The following TCHP variants were observed in gnomAD, a reference collection of about 807,000 sequenced individuals.
The protein encoded by TCHP is trichoplein keratin filament binding.
A neutral mutation model predicts 88.7 loss-of-function variants in TCHP; 81 were observed. The ratio of observed to expected loss-of-function variants is 0.91; its 90% CI spans 0.76 to 1.10. The LOEUF (loss-of-function observed/expected upper bound fraction) is 1.10, where lower values mean the gene tolerates loss of function less well. Ranked by LOEUF, TCHP falls within the 50% of genes least tolerant of loss-of-function variation. The pLI is 0.00. For synonymous variants in TCHP, 232 were observed against 232.5 expected, an observed-to-expected ratio of 1.00 and a Z score of 0.02; for missense variants, 641 against 632.1, an observed-to-expected ratio of 1.01 and a Z score of -0.15.
rs1276119242 is a variant in TCHP at position 109,903,265 on chromosome 12, T to A, written c.188+51T>A. ...GATGGAAGTGGGGACCACTTGCTGG[T>A]CAGGGGATGAGGCCTTAAGGATTTA... On this transcript the variant is annotated intron_variant, in intron 2 of 12. Transcript: ENST00000405876. This position sits in a 1 kb window ranked among gnomAD's most constrained non-coding sequence, Gnocchi z 4.6. 7.1e-6 allele frequency: 11 copies of A among 1,552,382 alleles called. No homozygotes were observed. The highest frequency in any genetic ancestry group is 9.7e-6 in the Non-Finnish European group (11 of 1,133,972).
chr12:109,883,596 G>A, the TCHP span, among the ~76,000 whole-genome samples: 3 of 151,386 alleles, frequency 2.0e-5, no homozygotes, highest in Admixed American at 6.6e-5. Context: ...TCACTGCCCC[G>A]CCCCGCACCC....
chr12:109,895,648 T>C (rs1869540790), upstream of TCHP, among the ~76,000 whole-genome samples: 1 of 152,142 alleles, frequency 6.6e-6, no homozygotes, highest in African/African-American at 2.4e-5. Context: ...AGCAAGAAGC[T>C]GGAGTGGTTG....
chr12:109,913,404 T>C (rs1214980485), intron 10 of TCHP, among the ~76,000 whole-genome samples: 4 of 152,236 alleles, frequency 2.6e-5, no homozygotes, highest in Non-Finnish European at 4.4e-5. Flanking sequence ...TGTGACATGC[T>C]GTTACATCTT....
Position 109,905,011 on chromosome 12 carries a change from C to A in TCHP, c.456+218C>A. On this transcript the variant is annotated intron_variant, in intron 4 of 12. Coordinates refer to ENST00000405876, the MANE Select transcript of TCHP (RefSeq NM_001143852.2). This position sits in a 1 kb window ranked among gnomAD's most constrained non-coding sequence, Gnocchi z 4.0. ...GATTGAACCTCCGCTGCCTGGTCTG[C>A]CAGGTGCGGGCATGGAGATTAGACA... The A allele has an allele frequency of 1.8e-6, 1 of 555,676 alleles. No individual in the cohort carries two copies. Among genetic ancestry groups the A allele is most frequent in the African/African-American group, 1.9e-5 (1 of 52,836 alleles). 34.4% of individuals were successfully genotyped at this position (555,676 alleles called of 1,614,324 possible).
At chr12:109,896,983 A>C (rs144241873), upstream of TCHP, among the ~76,000 whole-genome samples, 1 of 152,164 alleles carries the variant, frequency 6.6e-6, no homozygotes, top group Non-Finnish European at 1.5e-5. Flanking sequence ...CATACAAGGC[A>C]TGGCATGGGG....
chr12:109,915,136 C>A (rs1027074611), intron 11 of TCHP: 2 of 553,984 alleles, frequency 3.6e-6, no homozygotes, highest in Admixed American at 6.3e-5. Flanking sequence ...CAGCTTTCCA[C>A]GAGGTACACG....
chr12:109,898,755 G>C (rs745988193), upstream of TCHP, among the ~76,000 whole-genome samples: 1 of 152,148 alleles, frequency 6.6e-6, no homozygotes, highest in Non-Finnish European at 1.5e-5. Context: ...AGCCTCCCAA[G>C]TTGCTAGGAC....
chr12:109,909,587 A>G (rs1452989878), intron 8 of TCHP, among the ~76,000 whole-genome samples: 2 of 152,230 alleles, frequency 1.3e-5, no homozygotes, highest in East Asian at 3.8e-4. Flanking sequence ...TGAGAGGCCA[A>G]GGCAGGCGGA....
rs547946636 is a variant in TCHP, at chr12:109,913,629, G to A, written c.1134+557G>A. On this transcript the variant is annotated intron_variant, in intron 10 of 12. Coordinates refer to ENST00000405876, the MANE Select transcript of TCHP (RefSeq NM_001143852.2). ...GAGGACATAACTGCTTTCCTGGTCA[G>A]TGTGTACACTGTGCGTGGAAGATAT... Among the ~76,000 whole-genome samples the A allele has an allele frequency of 1.1e-4, 17 of 152,334 alleles. 1 individual carries two copies. The East Asian group carries it at 1.9e-3, about 17-fold the overall frequency.
Position 109,912,160 on chromosome 12 carries a change from GACTAA to G in TCHP, c.1053-826_1053-822del, listed in dbSNP as rs551296285. ...TATAAAACTGAGTTTGGGTCCTAAA[GACTAA>G]ACTAGTAGATTGAAATCATCAAATA... On this transcript the variant is annotated intron_variant, in intron 9 of 12. Transcript: ENST00000405876. 1.7e-3 allele frequency among the ~76,000 whole-genome samples: 262 copies of G among 152,310 alleles called. 4 individuals are homozygous for G. Among genetic ancestry groups the G allele is most frequent in the Non-Finnish European group, 2.5e-3 (173 of 68,036 alleles).
chr12:109,911,006 C>T (rs1870450198), intron 8 of TCHP, 57 bp from the exon 9 acceptor site: 1 of 1,448,320 alleles, frequency 6.9e-7, no homozygotes, highest in Non-Finnish European at 9.1e-7. Flanking sequence ...TCTGTAGGCT[C>T]TCATTGCAGA....
At chr12:109,882,691 G>C in the TCHP span, among the ~76,000 whole-genome samples, 2 of 120,200 alleles carry the variant, frequency 1.7e-5, no homozygotes, top group Middle Eastern at 7.6e-3. Context: ...GTCTCACTCT[G>C]TCGCCCAGGC....
the TCHP span, among the ~76,000 whole-genome samples, chr12:109,889,963 C>T: frequency 6.6e-6 from 1 of 152,200 alleles, no homozygotes; most frequent in Non-Finnish European, 1.5e-5. Context: ...AATGCGAAGG[C>T]GCACCCGCCA....
upstream of TCHP, among the ~76,000 whole-genome samples, chr12:109,897,234 C>T (rs538988813): frequency 1.8e-4 from 28 of 152,310 alleles, no homozygotes; most frequent in African/African-American, 5.3e-4. Flanking sequence ...TGCTTAATAG[C>T]GACAGCCAGC....
At chr12:109,907,392 G>C (rs546810370) in intron 5 of TCHP, 134 bp from the exon 6 acceptor site, 6 of 866,264 alleles carry the variant, frequency 6.9e-6, no homozygotes, top group East Asian at 2.4e-5. Flanking sequence ...CTGACTTGGC[G>C]TCTGAGGGCG....
Position 109,903,355 on chromosome 12 carries a change from G to A in TCHP, c.188+141G>A, listed in dbSNP as rs1869928143. 2.7e-6 allele frequency: 2 copies of A among 744,510 alleles called. No homozygotes were observed. Among genetic ancestry groups the A allele is most frequent in the Admixed American group, 3.0e-5 (1 of 33,166 alleles). The allele number at this position is 744,510 out of a possible 1,614,324, so 46.1% of individuals were successfully genotyped here. On this transcript the variant is annotated intron_variant, in intron 2 of 12. Transcript: ENST00000405876. The surrounding 1 kb of genome is among the most constrained non-coding windows in gnomAD (Gnocchi z 4.6). ...TGGTGATGTTTTTCCAGCTGGAAAT[G>A]GAAAAAAAGATCATCAGTGCAGCCA...
the TCHP span, among the ~76,000 whole-genome samples, chr12:109,881,458 A>G: frequency 2.6e-5 from 4 of 152,328 alleles, no homozygotes; most frequent in South Asian, 8.3e-4. Flanking sequence ...CTTCATTTAC[A>G]TAGAATATTC....
chr12:109,912,500 T>C (rs1463320259), intron 9 of TCHP, among the ~76,000 whole-genome samples: 1 of 152,176 alleles, frequency 6.6e-6, no homozygotes, highest in African/African-American at 2.4e-5. Flanking sequence ...CTTAAAATAC[T>C]TCCAACAGGG....
At chr12:109,891,570 T>G in the TCHP span, among the ~76,000 whole-genome samples, 1 of 138,046 alleles carries the variant, frequency 7.2e-6, no homozygotes, top group Non-Finnish European at 1.6e-5. Context: ...ATTTTTTGGG[T>G]TTTTTTTTTT....
Sources: gnomAD v4.1 joint callset for allele counts (sites outside exome capture counted in the v4.1 genomes callset) on GRCh38, gnomAD v4.1.1 for gene constraint, Gnocchi (gnomAD v3.1) non-coding constraint, MANE v1.5 for transcripts, NCBI Gene and HGNC (gene_info 2026-07-23, HGNC 2026-07-21) for gene names.